Variants in SYTL4 observed in about 807,000 individuals in gnomAD.
SYTL4 encodes synaptotagmin-like protein 4.
A neutral mutation model predicts 52.7 loss-of-function variants in SYTL4; 16 were observed. The ratio of observed to expected loss-of-function variants is 0.30; its 90% CI spans 0.21 to 0.46. The LOEUF is 0.46. SYTL4 is among the 20% of genes least tolerant of loss of function. The pLI is 1.00. For missense variants in SYTL4, 423 were observed against 519.9 expected, an observed-to-expected ratio of 0.81 and a Z score of 1.81; for synonymous variants, 160 against 186.6, an observed-to-expected ratio of 0.86 and a Z score of 1.16.
chrX:100,710,472 G>A (rs1339097053), intron 2 of SYTL4, among the ~76,000 whole-genome samples: 1 of 111,548 alleles, frequency 9.0e-6, no homozygotes, highest in African/African-American at 3.3e-5. Flanking sequence ...CACTTTTTTC[G>A]AAAGATGAGA....
At chrX:100,714,687 G>A (rs1471886763) in intron 2 of SYTL4, among the ~76,000 whole-genome samples, 1 of 112,221 alleles carries the variant, frequency 8.9e-6, no homozygotes, top group South Asian at 3.7e-4. Context: ...AAAGACAGCA[G>A]GTTCAGGAAC....
intron 8 of SYTL4, among the ~76,000 whole-genome samples, chrX:100,700,024 G>T (rs187018825): frequency 6.3e-5 from 7 of 111,218 alleles, no homozygotes; most frequent in Non-Finnish European, 1.3e-4. Context: ...AAATACCCAG[G>T]ATAGGCAAAT....
chrX:100,698,770 A>G (rs968917928), intron 8 of SYTL4, among the ~76,000 whole-genome samples: 1 of 112,318 alleles, frequency 8.9e-6, no homozygotes. Context: ...TCAGAAATAG[A>G]GAAGTTGTGG....
intron 8 of SYTL4, among the ~76,000 whole-genome samples, chrX:100,694,062 T>C (rs2083654820): frequency 8.9e-6 from 1 of 112,223 alleles, no homozygotes; most frequent in African/African-American, 3.2e-5. Flanking sequence ...GGTTTCTATT[T>C]GGGATGGTGA....
At chrX:100,731,837 G>T (rs771498345) in intron 1 of SYTL4, among the ~76,000 whole-genome samples, 167 bp downstream of exon 1, 2 of 111,554 alleles carry the variant, frequency 1.8e-5, no homozygotes, top group East Asian at 5.7e-4. Flanking sequence ...GGAGAGGGGA[G>T]ACGCGGTCAG....
At chrX:100,711,432 T>C (rs1412650119) in intron 2 of SYTL4, among the ~76,000 whole-genome samples, 1 of 111,690 alleles carries the variant, frequency 9.0e-6, no homozygotes, top group Admixed American at 9.5e-5. Context: ...CTGCATTCTA[T>C]ATGTTCAAAA....
Position 100,701,624 on chromosome X carries a change from C to T in SYTL4, c.160G>A (p.Gly54Ser), listed in dbSNP as rs1331294391. Reference protein sequence around the residue: ...LEIKRKGAKRGSQHYSDRTCA... With the variant: ...LEIKRKGAKRSSQHYSDRTCA... ...GTCCGATCACTGTAGTGTTGGCTGC[C>T]CCTCTTGGCCCCTTTCCTTTTTATC... Residue 54 changes from glycine (G) to serine (S), a missense_variant, in exon 6 of 20, where the codon GGC becomes AGC. Physicochemically the swap from Gly to Ser is moderately conservative, Grantham distance 56. Transcript: ENST00000372989. 1.7e-6 allele frequency: 2 copies of T among 1,211,557 alleles called. No homozygotes were observed. Among genetic ancestry groups the T allele is most frequent in the East Asian group, 3.0e-5 (1 of 33,838 alleles).
intron 2 of SYTL4, among the ~76,000 whole-genome samples, chrX:100,724,464 TG>T (rs2084462872): frequency 9.5e-6 from 1 of 104,971 alleles, no homozygotes; most frequent in Admixed American, 1.0e-4. Context: ...AGAAATCGGA[TG>T]GTTGCCATGT....
intron 2 of SYTL4, among the ~76,000 whole-genome samples, chrX:100,729,344 C>G (rs1238260601): frequency 9.0e-6 from 1 of 111,591 alleles, no homozygotes; most frequent in Non-Finnish European, 1.9e-5. Context: ...ACAGCAATCC[C>G]TGCCCACAGG....
At chrX:100,729,593 C>G (rs1403190245) in intron 2 of SYTL4, among the ~76,000 whole-genome samples, 1 of 111,481 alleles carries the variant, frequency 9.0e-6, no homozygotes, top group Admixed American at 9.5e-5. Context: ...TGTCCGGTTA[C>G]TGGCACAAAT....
chrX:100,679,008 G>A (rs1042592779), intron 18 of SYTL4, among the ~76,000 whole-genome samples: 2 of 111,635 alleles, frequency 1.8e-5, no homozygotes, highest in Admixed American at 1.9e-4. Flanking sequence ...AAAACTGTGG[G>A]AAACAAAGCC....
chrX:100,677,264 C>T (rs1485675444), intron 19 of SYTL4, among the ~76,000 whole-genome samples: 1 of 111,435 alleles, frequency 9.0e-6, no homozygotes, highest in Non-Finnish European at 1.9e-5. Context: ...ATTTGGAGAG[C>T]AGAAAGTCAT....
At chrX:100,710,416 G>A (rs1257000665) in intron 2 of SYTL4, among the ~76,000 whole-genome samples, 1 of 111,958 alleles carries the variant, frequency 8.9e-6, no homozygotes, top group Non-Finnish European at 1.9e-5. Flanking sequence ...TTGAACATGG[G>A]TATTCAGAAC....
intron 2 of SYTL4, among the ~76,000 whole-genome samples, chrX:100,717,547 G>A (rs2084253228): frequency 8.8e-6 from 1 of 113,152 alleles, no homozygotes; most frequent in South Asian, 3.6e-4. Flanking sequence ...GAAGAGGCAG[G>A]TGGGGAATCA....
At chrX:100,685,882 A>T (rs1319012516) in intron 16 of SYTL4, 108 bp downstream of exon 16, 8 of 792,664 alleles carry the variant, frequency 1.0e-5, no homozygotes, top group Non-Finnish European at 5.1e-6. Context: ...GGGCACTAGA[A>T]CTCCAGAGAA....
intron 13 of SYTL4, 150 bp from the exon 14 acceptor site, chrX:100,687,395 G>C: frequency 2.1e-6 from 1 of 467,056 alleles, no homozygotes; most frequent in East Asian, 3.7e-5. Context: ...CCTTGACCCA[G>C]AGGGTAAGAG....
chrX:100,722,918 TC>T (rs1329300299), intron 2 of SYTL4, among the ~76,000 whole-genome samples: 3 of 111,879 alleles, frequency 2.7e-5, no homozygotes, highest in Non-Finnish European at 5.6e-5. Flanking sequence ...TTCCTAGATT[TC>T]TCTGGATCTT....
intron 2 of SYTL4, among the ~76,000 whole-genome samples, chrX:100,716,602 A>G (rs1244028156): frequency 1.9e-5 from 2 of 106,323 alleles, no homozygotes; most frequent in African/African-American, 6.9e-5. Context: ...GCTTCCAGGG[A>G]TGCAGGGCTT....
At chrX:100,678,338 GT>G in intron 19 of SYTL4, 52 bp downstream of exon 19, 2 of 976,457 alleles carry the variant, frequency 2.0e-6, no homozygotes, top group Non-Finnish European at 2.9e-6. Context: ...GGTAATAGGA[GT>G]AAAATAGACA....
Sources: allele counts gnomAD v4.1 joint callset (sites outside exome capture counted in the v4.1 genomes callset), GRCh38; gene constraint gnomAD v4.1.1; transcripts MANE v1.5; gene names NCBI Gene and HGNC (gene_info 2026-07-23, HGNC 2026-07-21).